The following IQCH variants were observed in gnomAD, a reference collection of about 807,000 sequenced individuals.
The protein encoded by IQCH is IQ domain-containing protein H.
Under a neutral mutation model 117.0 loss-of-function variants are expected in IQCH, and 98 were observed. The observed-to-expected ratio is 0.84, with a 90% CI of 0.71 to 0.99. The LOEUF (loss-of-function observed/expected upper bound fraction) is 0.99, where lower values mean the gene tolerates loss of function less well. IQCH is among the 50% of genes least tolerant of loss of function. The probability of loss-of-function intolerance (pLI) is 0.00; values close to 1 mark genes in which losing one functional copy is unlikely to be tolerated. For synonymous variants in IQCH, 412 were observed against 448.2 expected (o/e 0.92, Z 1.02); for missense variants, 1,102 against 1,243.8 (o/e 0.89, Z 1.72).
At chr15:67,460,105 T>TTATC (rs1344950032) in intron 16 of IQCH, 3 of 152,230 alleles carry the variant, frequency 2.0e-5, no homozygotes, top group African/African-American at 7.2e-5. Flanking sequence ...GGTTTTATTA[T>TTATC]TATCTTATTA....
chr15:67,299,011 A>G (rs1423397700), intron 4 of IQCH, among the ~76,000 whole-genome samples: 1 of 151,970 alleles, frequency 6.6e-6, no homozygotes, highest in African/African-American at 2.4e-5. Context: ...TTTAGAAGCA[A>G]CCTAAGTGTC....
intron 7 of IQCH, among the ~76,000 whole-genome samples, chr15:67,357,787 G>T (rs1270244957): frequency 6.6e-6 from 1 of 152,074 alleles, no homozygotes; most frequent in East Asian, 1.9e-4. Flanking sequence ...TTAAATACAG[G>T]CTAAAAAGGC....
At chr15:67,340,508 A>G (rs1969122586) in intron 5 of IQCH, among the ~76,000 whole-genome samples, 1 of 150,848 alleles carries the variant, frequency 6.6e-6, no homozygotes, top group Non-Finnish European at 1.5e-5. Context: ...ATTCTCAAAT[A>G]TAAAATTCTA....
In IQCH at chr15:67,411,467, G is replaced by C. The variant is rs2081448748; in HGVS notation, c.2098-5464G>C. Among the ~76,000 whole-genome samples, 1 of 152,156 alleles carries C rather than the reference G, an allele frequency of 6.6e-6. No homozygotes were observed. Among genetic ancestry groups the C allele is most frequent in the Non-Finnish European group, 1.5e-5 (1 of 68,036 alleles). ...TTTCACTCTCCAGTCCTTCATGTAG[G>C]GATGTCAGAAAGCATCTAGAAATCA... On this transcript the variant is annotated intron_variant, in intron 14 of 20. Transcript: ENST00000335894. The surrounding 1 kb of genome is among the most constrained non-coding windows in gnomAD (Gnocchi z 4.4).
chr15:67,344,069 T>G lies in IQCH; in HGVS notation c.515T>G (p.Leu172Ter). 1 of 1,611,616 alleles carries G rather than the reference T, an allele frequency of 6.2e-7. No individual in the cohort carries two copies. Among genetic ancestry groups the G allele is most frequent in the Non-Finnish European group, 8.5e-7 (1 of 1,178,686 alleles). The change falls in exon 6 of 21, where the codon TTA (leucine) becomes TGA (stop). Residue 172 changes from leucine to a stop codon, truncating the protein, a stop_gained. Transcript: ENST00000335894. LOFTEE classifies it high-confidence loss of function. ...VLQADAHKGI[L>*]SMIERGLIPP... Reference sequence around the variant, plus strand: ...TATTAATGTTTCTTTTTAGGGATTTTAAGTATGATAGAACGAGGGCTGATT... The same window carrying G: ...TATTAATGTTTCTTTTTAGGGATTTGAAGTATGATAGAACGAGGGCTGATT...
At position 67,376,622 on chromosome 15, in the gene IQCH, T is replaced by A. The variant is rs1260564656; in HGVS notation, c.1372+3189T>A. On this transcript the variant is annotated intron_variant, in intron 10 of 20. Coordinates refer to ENST00000335894, the MANE Select transcript of IQCH (RefSeq NM_001031715.3). The surrounding 1 kb of genome is among the most constrained non-coding windows in gnomAD (Gnocchi z 5.0). ...GAAAGCTAAGTAGTTGATAACTGCA[T>A]AATATATTGTAGTTGTAAGCATTTG... Among the ~76,000 whole-genome samples the A allele has an allele frequency of 6.6e-6, 1 of 152,260 alleles. No homozygotes were observed. Among genetic ancestry groups the A allele is most frequent in the East Asian group, 1.9e-4 (1 of 5,206 alleles).
chr15:67,434,958 T>A (rs963887391), intron 16 of IQCH, among the ~76,000 whole-genome samples: 1 of 148,568 alleles, frequency 6.7e-6, no homozygotes, highest in Non-Finnish European at 1.5e-5. Context: ...TTTTTTTAAT[T>A]TTTTTGTATT....
At position 67,454,956 on chromosome 15, in the gene IQCH, GT is replaced by G. The variant is rs2082625638; in HGVS notation, c.2506-10168del. On this transcript the variant is annotated intron_variant, in intron 16 of 20. Transcript: ENST00000335894. This position sits in a 1 kb window ranked among gnomAD's most constrained non-coding sequence, Gnocchi z 5.2. The stretch of plus-strand genomic sequence containing the variant: ...CTGATGGGTCAAATGGTAACTCAAA[GT>G]TTAACTTTTTTAGGAACTGTCAAAG... 6.6e-6 allele frequency among the ~76,000 whole-genome samples: 1 copy of G among 152,176 alleles called. No homozygotes were observed. Among genetic ancestry groups the G allele is most frequent in the Non-Finnish European group, 1.5e-5 (1 of 68,022 alleles).
In IQCH at chr15:67,463,953, G is replaced by A. The variant is rs960991479; in HGVS notation, c.2506-1174G>A. On this transcript the variant is annotated intron_variant, in intron 16 of 20. Coordinates refer to ENST00000335894, the MANE Select transcript of IQCH (RefSeq NM_001031715.3). The surrounding 1 kb of genome is among the most constrained non-coding windows in gnomAD (Gnocchi z 4.0). ...TGCCTCCTGGGTTCAAGCGATTCTC[G>A]TGCCTCAGCCTCCCAAGTATCTGAG... Among the ~76,000 whole-genome samples, 16 of 151,918 alleles carry A rather than the reference G, an allele frequency of 1.1e-4. No individual in the cohort carries two copies. The highest frequency in any genetic ancestry group is 2.1e-4 in the South Asian group (1 of 4,826).
chr15:67,376,261 A>T lies in IQCH; in HGVS notation c.1372+2828A>T, dbSNP rs960446528. Among the ~76,000 whole-genome samples the T allele has an allele frequency of 2.0e-5, 3 of 152,242 alleles. No individual in the cohort carries two copies. Among genetic ancestry groups the T allele is most frequent in the Admixed American group, 1.3e-4 (2 of 15,286 alleles). On this transcript the variant is annotated intron_variant, in intron 10 of 20. Transcript: ENST00000335894. The surrounding 1 kb of genome is among the most constrained non-coding windows in gnomAD (Gnocchi z 5.0). The stretch of plus-strand genomic sequence containing the variant: ...GGAGTCCTTAAAGAAGATTTCAGCT[A>T]GATGCCACAAACTTCTTTGTCTCAT...
Position 67,474,600 on chromosome 15 carries a change from G to A in IQCH, c.2677-1096G>A, listed in dbSNP as rs568078908. Among the ~76,000 whole-genome samples, 1 of 152,186 alleles carries A rather than the reference G, an allele frequency of 6.6e-6. No individual in the cohort carries two copies. The highest frequency in any genetic ancestry group is 6.5e-5 in the Admixed American group (1 of 15,276). The stretch of plus-strand genomic sequence containing the variant: ...TGGGCCTACTATCACCAATCTCTTT[G>A]GCATGGCTTTCACTGATAGACAAGC... On this transcript the variant is annotated intron_variant, in intron 17 of 20. Transcript: ENST00000335894. The surrounding 1 kb of genome is among the most constrained non-coding windows in gnomAD (Gnocchi z 4.1).
At position 67,388,912 on chromosome 15, in the gene IQCH, T is replaced by A. The variant is rs1293599679; in HGVS notation, c.1538T>A (p.Leu513Gln). 1 of 1,613,844 alleles carries A rather than the reference T, an allele frequency of 6.2e-7. No homozygotes were observed. The highest frequency in any genetic ancestry group is 2.2e-5 in the East Asian group (1 of 44,866). The change falls in exon 12 of 21, where the codon CTA (leucine) becomes CAA (glutamine). Residue 513 changes from leucine to glutamine, a missense_variant. By Grantham distance (113) the Leu-to-Gln change is moderately radical. Around this residue, in one of 2 missense-constraint regions of IQCH, gnomAD observed 650 missense variants for 794.3 expected, o/e 0.82. Transcript: ENST00000335894. This position sits in a 1 kb window ranked among gnomAD's most constrained non-coding sequence, Gnocchi z 5.5. ...LVLYYKKILS[L>Q]HAAVKSGNLE... ...CTGTATTACAAAAAAATCCTAAGTC[T>A]ACATGCAGCCGTCAAATCTGGGAAC...
intron 4 of IQCH, among the ~76,000 whole-genome samples, chr15:67,287,316 G>T (rs1044339762): frequency 2.0e-5 from 3 of 152,076 alleles, no homozygotes; most frequent in Non-Finnish European, 2.9e-5. Flanking sequence ...CTCTTCTTCT[G>T]TTTATTGGAA....
intron 16 of IQCH, among the ~76,000 whole-genome samples, chr15:67,423,600 AAAAG>A (rs1373467552): frequency 4.6e-5 from 7 of 150,878 alleles, no homozygotes; most frequent in South Asian, 2.1e-4. Flanking sequence ...AAAAAAAAAA[AAAAG>A]AAAGAAAAGA....
chr15:67,378,793 T>C (rs903191523), intron 10 of IQCH, among the ~76,000 whole-genome samples: 2 of 152,124 alleles, frequency 1.3e-5, no homozygotes, highest in African/African-American at 4.8e-5. Context: ...TAGGATATGC[T>C]GTAGAAGGAA....
At chr15:67,267,853 A>G (rs908325264) in intron 3 of IQCH, among the ~76,000 whole-genome samples, 6 of 152,208 alleles carry the variant, frequency 3.9e-5, no homozygotes, top group Admixed American at 6.5e-5. Flanking sequence ...TTTAAAAAAG[A>G]TTTTAGAACA....
Position 67,475,804 on chromosome 15 carries a change from G to T in IQCH, c.2785G>T (p.Gly929Cys), listed in dbSNP as rs753591951. ...CCAGATCTGTAGGGCCCATGGCATT[G>T]GCTATGATGTTGAGGTATGAAGGGT... ...FLQICRAHGI[G>C]YDVEERQGTV... The change falls in exon 18 of 21, where the codon GGC becomes TGC. Residue 929 changes from glycine to cysteine, a missense_variant. Transcript: ENST00000335894. This position sits in a 1 kb window ranked among gnomAD's most constrained non-coding sequence, Gnocchi z 5.7. The T allele has an allele frequency of 2.5e-6, 4 of 1,613,964 alleles. No homozygotes were observed. In the Admixed American group the frequency reaches 6.7e-5, roughly 27 times the overall value.
intron 4 of IQCH, among the ~76,000 whole-genome samples, chr15:67,325,258 C>A (rs959119203): frequency 1.3e-5 from 2 of 151,872 alleles, no homozygotes; most frequent in African/African-American, 4.8e-5. Context: ...TCCATTTAGT[C>A]CTCTTTTATA....
At chr15:67,340,329 G>A (rs556277088) in intron 5 of IQCH, among the ~76,000 whole-genome samples, 1 of 150,072 alleles carries the variant, frequency 6.7e-6, no homozygotes, top group East Asian at 2.0e-4. Context: ...TCTGGAGGCT[G>A]AGGCATGAGA....
Sources: allele counts gnomAD v4.1 joint callset (sites outside exome capture counted in the v4.1 genomes callset), GRCh38; gene constraint gnomAD v4.1.1; regional missense constraint gnomAD v4.1.1; non-coding constraint Gnocchi (gnomAD v3.1); transcripts MANE v1.5; gene names NCBI Gene and HGNC (gene_info 2026-07-23, HGNC 2026-07-21).